KLHL1: variants seen among roughly 807,000 people sequenced by gnomAD.
KLHL1 encodes the protein kelch-like protein 1.
Under a neutral mutation model 77.7 loss-of-function variants are expected in KLHL1, and 47 were observed. The ratio of observed to expected loss-of-function variants is 0.60; its 90% confidence interval spans 0.48 to 0.77. KLHL1 has a LOEUF of 0.77. Among genes scored for constraint, KLHL1 ranks in the 30% least tolerant of loss-of-function variants. The pLI is 0.00. For missense variants in KLHL1, 925 were observed against 910.8 expected (o/e 1.02, Z -0.20); for synonymous variants, 360 against 325.2 (o/e 1.11, Z -1.15).
chr13:69,908,102 C>T (rs1460343495), intron 4 of KLHL1, among the ~76,000 whole-genome samples: 2 of 151,870 alleles, frequency 1.3e-5, no homozygotes, highest in Non-Finnish European at 2.9e-5. Flanking sequence ...GAGGAATGAG[C>T]TCTGGAACTC....
At chr13:69,788,679 T>C (rs1009412849) in intron 7 of KLHL1, among the ~76,000 whole-genome samples, 47 of 149,136 alleles carry the variant, frequency 3.2e-4, no homozygotes, top group Non-Finnish European at 9.0e-5. Context: ...ATAGAAAATA[T>C]AGTATTTATG....
At chr13:69,896,814 G>A (rs1252734917) in intron 4 of KLHL1, among the ~76,000 whole-genome samples, 9 of 151,638 alleles carry the variant, frequency 5.9e-5, no homozygotes, top group South Asian at 2.1e-4. Flanking sequence ...GACTACAGGC[G>A]CACACCACCA....
chr13:69,879,743 T>G (rs1368327018), intron 5 of KLHL1, among the ~76,000 whole-genome samples: 1 of 152,146 alleles, frequency 6.6e-6, no homozygotes, highest in Admixed American at 6.6e-5. Context: ...AATAAAAAAT[T>G]GTACTCTTTT....
intron 3 of KLHL1, among the ~76,000 whole-genome samples, chr13:69,943,689 TAGAG>T (rs2137243200): frequency 6.6e-6 from 1 of 152,202 alleles, no homozygotes; most frequent in East Asian, 1.9e-4. Flanking sequence ...AAAGTTAAAA[TAGAG>T]AAAATAATAC....
At chr13:70,050,443 T>A (rs1407200340) in intron 1 of KLHL1, among the ~76,000 whole-genome samples, 4 of 151,428 alleles carry the variant, frequency 2.6e-5, no homozygotes, top group African/African-American at 9.7e-5. Flanking sequence ...GGAGCTGAGG[T>A]TTTCCTTTTT....
intron 7 of KLHL1, among the ~76,000 whole-genome samples, chr13:69,749,144 G>T (rs1874358778): frequency 6.6e-6 from 1 of 151,946 alleles, no homozygotes; most frequent in East Asian, 1.9e-4. Flanking sequence ...GGCTCATTAG[G>T]TAGGGTGAAT....
At chr13:70,036,093 A>C (rs1886232440) in intron 1 of KLHL1, among the ~76,000 whole-genome samples, 1 of 152,044 alleles carries the variant, frequency 6.6e-6, no homozygotes, top group Non-Finnish European at 1.5e-5. Flanking sequence ...AAGTAGTTAT[A>C]GTGACCATTC....
intron 1 of KLHL1, among the ~76,000 whole-genome samples, chr13:70,087,684 A>T (rs540252086): frequency 1.8e-4 from 28 of 152,308 alleles, no homozygotes; most frequent in East Asian, 1.2e-3. Context: ...GCTGGGATTT[A>T]AAATGAGGGA....
intron 1 of KLHL1, among the ~76,000 whole-genome samples, chr13:69,989,100 A>G (rs1884953412): frequency 6.6e-6 from 1 of 152,032 alleles, no homozygotes; most frequent in Non-Finnish European, 1.5e-5. Flanking sequence ...TATGTTTTAC[A>G]TTTAAGTCTA....
At chr13:69,837,815 G>C (rs533118189) in intron 6 of KLHL1, among the ~76,000 whole-genome samples, 3 of 150,828 alleles carry the variant, frequency 2.0e-5, no homozygotes, top group African/African-American at 7.3e-5. Context: ...AGTTTCTAAG[G>C]CTTTCCTTCT....
intron 5 of KLHL1, among the ~76,000 whole-genome samples, chr13:69,861,697 C>T (rs1880167345): frequency 6.6e-6 from 1 of 150,392 alleles, no homozygotes; most frequent in Non-Finnish European, 1.5e-5. Context: ...CGCCTGTAAT[C>T]CCAGCACTTT....
chr13:70,022,525 G>T (rs1885831379), intron 1 of KLHL1, among the ~76,000 whole-genome samples: 1 of 151,682 alleles, frequency 6.6e-6, no homozygotes, highest in Admixed American at 6.6e-5. Flanking sequence ...ATACAATATG[G>T]TGATCAAACA....
chr13:69,773,900 T>C (rs1007972146), intron 7 of KLHL1, among the ~76,000 whole-genome samples: 12 of 150,618 alleles, frequency 8.0e-5, no homozygotes, highest in Non-Finnish European at 1.5e-4. Flanking sequence ...ATAAAACGTA[T>C]TGTGGGAGTT....
chr13:70,059,679 T>A (rs1886830008), intron 1 of KLHL1, among the ~76,000 whole-genome samples: 1 of 152,138 alleles, frequency 6.6e-6, no homozygotes, highest in Admixed American at 6.5e-5. Context: ...TAAGACTGAG[T>A]AACCTGTAAA....
At chr13:69,983,786 A>G (rs904957563) in intron 1 of KLHL1, among the ~76,000 whole-genome samples, 1 of 152,008 alleles carries the variant, frequency 6.6e-6, no homozygotes, top group African/African-American at 2.4e-5. Context: ...ATAAATAAAA[A>G]GAGCTATACT....
chr13:69,733,423 C>G (rs9572253), intron 8 of KLHL1, among the ~76,000 whole-genome samples: 2 of 151,904 alleles, frequency 1.3e-5, no homozygotes, highest in Admixed American at 6.6e-5. Flanking sequence ...ATAATCAACA[C>G]GTACTTACTG....
At chr13:69,706,157 T>C (rs534601637) in intron 10 of KLHL1, among the ~76,000 whole-genome samples, 1 of 151,772 alleles carries the variant, frequency 6.6e-6, no homozygotes, top group Admixed American at 6.6e-5. Context: ...GCTTTTATTT[T>C]TTTTTTACAT....
chr13:69,758,793 A>C (rs1874885454), intron 7 of KLHL1, among the ~76,000 whole-genome samples: 1 of 152,184 alleles, frequency 6.6e-6, no homozygotes, highest in Non-Finnish European at 1.5e-5. Flanking sequence ...GCATATAAAA[A>C]TAAGATGACT....
At chr13:69,911,582 A>T (rs1882240743) in intron 4 of KLHL1, among the ~76,000 whole-genome samples, 1 of 150,494 alleles carries the variant, frequency 6.6e-6, no homozygotes, top group African/African-American at 2.5e-5. Context: ...AAAAAAAAAA[A>T]AGCCCAAAGC....
Sources: gnomAD v4.1 joint callset for allele counts (sites outside exome capture counted in the v4.1 genomes callset) on GRCh38, gnomAD v4.1.1 for gene constraint, MANE v1.5 for transcripts, NCBI Gene and HGNC (gene_info 2026-07-23, HGNC 2026-07-21) for gene names.